PBX1: variants seen among roughly 807,000 people sequenced by gnomAD.
The protein encoded by PBX1 is PBX homeobox 1.
PBX1 carries 6 observed loss-of-function variants against 53.4 expected under a neutral mutation model. The ratio of observed to expected loss-of-function variants is 0.11; its 90% confidence interval spans 0.06 to 0.22. The LOEUF (loss-of-function observed/expected upper bound fraction) is 0.22. Ranked by LOEUF, PBX1 falls within the 10% of genes least tolerant of loss-of-function variation. The pLI is 1.00. For synonymous variants in PBX1, 204 were observed against 212.3 expected (o/e 0.96, Z 0.34); for missense variants, 251 against 551.4 (o/e 0.46, Z 5.46).
At chr1:164,874,345 T>C (rs1437348938) in intron 2 of PBX1, among the ~76,000 whole-genome samples, 3 of 152,238 alleles carry the variant, frequency 2.0e-5, no homozygotes, top group Non-Finnish European at 4.4e-5. Context: ...CTGTCTTAGA[T>C]TATATTTTAT....
intron 2 of PBX1, among the ~76,000 whole-genome samples, chr1:164,877,482 G>A (rs1369919287): frequency 6.6e-6 from 1 of 152,068 alleles, no homozygotes; most frequent in Non-Finnish European, 1.5e-5. Context: ...GGCCAACATG[G>A]TGAAACCGCC....
chr1:164,672,097 C>G (rs1661152492), intron 2 of PBX1, among the ~76,000 whole-genome samples: 1 of 150,134 alleles, frequency 6.7e-6, no homozygotes, highest in South Asian at 2.1e-4. Context: ...GCCCTCCCTT[C>G]TCTCTCTGTG....
At chr1:164,604,240 C>T (rs1375173976) in intron 2 of PBX1, among the ~76,000 whole-genome samples, 2 of 152,172 alleles carry the variant, frequency 1.3e-5, no homozygotes, top group Non-Finnish European at 2.9e-5. Context: ...TGCGTCCGGC[C>T]TATCATTTAA....
At chr1:164,598,226 A>C (rs1228485274) in intron 2 of PBX1, among the ~76,000 whole-genome samples, 1 of 152,194 alleles carries the variant, frequency 6.6e-6, no homozygotes, top group Non-Finnish European at 1.5e-5. Context: ...TTTTTGGGAG[A>C]CATATTCAAA....
chr1:164,773,354 C>G, intron 2 of PBX1, among the ~76,000 whole-genome samples: 1 of 152,104 alleles, frequency 6.6e-6, no homozygotes, highest in Admixed American at 6.5e-5. Flanking sequence ...CCCACTCACA[C>G]TCAGCTCAGC....
chr1:164,786,815 G>A (rs1264625587), intron 2 of PBX1, among the ~76,000 whole-genome samples: 1 of 151,924 alleles, frequency 6.6e-6, no homozygotes, highest in Non-Finnish European at 1.5e-5. Context: ...GTAGAGGACT[G>A]AAGTGTCTGA....
intron 8 of PBX1, among the ~76,000 whole-genome samples, chr1:164,840,672 C>T (rs61802589): frequency 4.1e-3 from 620 of 152,208 alleles, no homozygotes; most frequent in Middle Eastern, 6.8e-3. Flanking sequence ...TTTCCCTAAA[C>T]GCAAAACAAA....
chr1:164,641,564 T>G (rs919651593), intron 2 of PBX1: 2 of 152,264 alleles, frequency 1.3e-5, no homozygotes, highest in Non-Finnish European at 2.9e-5. Context: ...TGGTGTAGCT[T>G]CAGGTCTGGC....
At chr1:164,687,139 T>G (rs1024744333) in intron 2 of PBX1, among the ~76,000 whole-genome samples, 11 of 152,208 alleles carry the variant, frequency 7.2e-5, no homozygotes, top group Middle Eastern at 3.4e-3. Flanking sequence ...AAGACTACCT[T>G]TTGTATGCAG....
intron 2 of PBX1, among the ~76,000 whole-genome samples, chr1:164,784,442 A>T (rs950958586): frequency 6.6e-6 from 1 of 152,232 alleles, no homozygotes; most frequent in Non-Finnish European, 1.5e-5. Context: ...ATCCATGCCC[A>T]TGCATCCCCT....
rs1214851924 is a variant in PBX1, at chr1:164,849,566, G to A, written c.*2890G>A. ...TCTTCATTTTCTAATAGATGTGGGAGTGCTCCATTTTCCCCGACAGCGAAT... is the reference window on the plus strand; with the variant it reads ...TCTTCATTTTCTAATAGATGTGGGAATGCTCCATTTTCCCCGACAGCGAAT... On this transcript the variant is annotated 3_prime_UTR_variant, in exon 9 of 9. Transcript: ENST00000420696. The A allele has an allele frequency of 8.3e-6, 9 of 1,084,684 alleles. No homozygotes were observed. The highest frequency in any genetic ancestry group is 1.0e-5 in the Non-Finnish European group (8 of 778,630). The allele number at this position is 1,084,684 out of a possible 1,614,324, so 67.2% of individuals were successfully genotyped here. A position where few individuals can be genotyped will look rare whatever the true frequency, so the allele number is the denominator to read the frequency against.
chr1:164,784,355 C>T (rs76550385), intron 2 of PBX1, among the ~76,000 whole-genome samples: 16 of 152,326 alleles, frequency 1.1e-4, no homozygotes, highest in Non-Finnish European at 2.1e-4. Context: ...AGGGGCCTAT[C>T]GCCCAGCACA....
downstream of PBX1, among the ~76,000 whole-genome samples, chr1:164,855,770 A>G (rs1890534): frequency 0.16 from 24,454 of 152,220 alleles, 2,044 homozygotes; most frequent in Non-Finnish European, 0.18. Context: ...ACAGCCACCA[A>G]CAAGAGGTTA....
intron 2 of PBX1, among the ~76,000 whole-genome samples, chr1:164,633,690 G>A (rs536025496): frequency 6.6e-6 from 1 of 152,286 alleles, no homozygotes; most frequent in East Asian, 1.9e-4. Context: ...GACTGTGATT[G>A]CCAGGATTTG....
intron 2 of PBX1, among the ~76,000 whole-genome samples, chr1:164,592,887 C>T (rs1482204409): frequency 6.6e-6 from 1 of 152,182 alleles, no homozygotes; most frequent in African/African-American, 2.4e-5. Context: ...GCTCTCTCTC[C>T]TTCCCCACAA....
intron 2 of PBX1, among the ~76,000 whole-genome samples, chr1:164,783,667 G>A (rs907561521): frequency 6.6e-6 from 1 of 152,142 alleles, no homozygotes; most frequent in Non-Finnish European, 1.5e-5. Flanking sequence ...AGGTGAAGTC[G>A]TGTAGTAGGA....
At chr1:164,857,476 A>G (rs1008329268) in intron 2 of PBX1, among the ~76,000 whole-genome samples, 4 of 152,190 alleles carry the variant, frequency 2.6e-5, no homozygotes, top group East Asian at 1.9e-4. Flanking sequence ...CATTAAATAC[A>G]TATGATTGAC....
intron 2 of PBX1, among the ~76,000 whole-genome samples, chr1:164,858,512 C>G (rs72698335): frequency 6.6e-6 from 1 of 151,890 alleles, no homozygotes; most frequent in East Asian, 1.9e-4. Flanking sequence ...GTTTCTGAAA[C>G]CACAACTCTC....
intron 8 of PBX1, among the ~76,000 whole-genome samples, chr1:164,828,166 C>G (rs1366633941): frequency 1.3e-5 from 2 of 152,150 alleles, no homozygotes; most frequent in Non-Finnish European, 2.9e-5. Flanking sequence ...TTTGTAGAAA[C>G]TGCTTCTCTC....
Sources: gnomAD v4.1 joint callset for allele counts (sites outside exome capture counted in the v4.1 genomes callset) on GRCh38, gnomAD v4.1.1 for gene constraint, MANE v1.5 for transcripts, NCBI Gene and HGNC (gene_info 2026-07-23, HGNC 2026-07-21) for gene names.